SAMD3: variants seen among roughly 807,000 people sequenced by gnomAD.
SAMD3 encodes sterile alpha motif domain-containing protein 3.
SAMD3 carries 63 observed loss-of-function variants against 58.5 expected under a neutral mutation model. The ratio of observed to expected loss-of-function variants is 1.08; its 90% confidence interval spans 0.88 to 1.33. The LOEUF is 1.33. Among genes scored for constraint, SAMD3 ranks in the 40% most tolerant of loss-of-function variants. The pLI is 0.00. For synonymous variants in SAMD3, 220 were observed against 210.3 expected (o/e 1.05, Z -0.40); for missense variants, 604 against 608.4 (o/e 0.99, Z 0.08).
chr6:130,300,115 CAGTATCATCCTGAT>C (rs1554272625), intron 2 of SAMD3, among the ~76,000 whole-genome samples: 1 of 152,092 alleles, frequency 6.6e-6, no homozygotes, highest in Non-Finnish European at 1.5e-5. Context: ...TCTGTAAAGC[CAGTATCATCCTGAT>C]ACCAAAATCT....
At chr6:130,324,406 A>G (rs1024277389) in intron 1 of SAMD3, among the ~76,000 whole-genome samples, 1 of 152,234 alleles carries the variant, frequency 6.6e-6, no homozygotes, top group Non-Finnish European at 1.5e-5. Flanking sequence ...AATGTTTGTG[A>G]AGAATATTCT....
rs141569183 is a variant in SAMD3 at position 130,322,402 on chromosome 6, A to G, written c.-303-9309T>C. 3.1e-3 allele frequency among the ~76,000 whole-genome samples: 469 copies of G among 152,330 alleles called. 2 individuals are homozygous for G. The highest frequency in any genetic ancestry group is 4.1e-3 in the Non-Finnish European group (280 of 68,040). ...AGGACGAGTAAGAGCAGAAGGTACAAGTGAGATGACACGAGACATCTCCAC... is the reference window on the plus strand; with the variant it reads ...AGGACGAGTAAGAGCAGAAGGTACAGGTGAGATGACACGAGACATCTCCAC... On this transcript the variant is annotated intron_variant, in intron 1 of 13. Coordinates refer to the SAMD3 transcript ENST00000368134.
chr6:130,191,714 C>T (rs1257168802), intron 5 of SAMD3, among the ~76,000 whole-genome samples: 6 of 150,406 alleles, frequency 4.0e-5, no homozygotes, highest in African/African-American at 1.5e-4. Context: ...GGAATTTTTT[C>T]ATTCTCTTTT....
At chr6:130,173,252 G>A (rs570321061) in intron 8 of SAMD3, among the ~76,000 whole-genome samples, 83 of 152,088 alleles carry the variant, frequency 5.5e-4, no homozygotes, top group Non-Finnish European at 1.1e-3. Flanking sequence ...CTGTCATTTG[G>A]AGGAGAAGAG....
chr6:130,265,659 G>A (rs765726526), intron 2 of SAMD3, among the ~76,000 whole-genome samples: 2 of 152,078 alleles, frequency 1.3e-5, no homozygotes, highest in East Asian at 3.9e-4. Context: ...CCAACCTAAT[G>A]TGTGTTATGA....
At chr6:130,265,431 G>A (rs1051869845) in intron 2 of SAMD3, among the ~76,000 whole-genome samples, 3 of 152,018 alleles carry the variant, frequency 2.0e-5, no homozygotes, top group Non-Finnish European at 2.9e-5. Context: ...ACTCATCACG[G>A]GACTCATTTT....
chr6:130,344,085 CT>C (rs1777366567), intron 1 of SAMD3, among the ~76,000 whole-genome samples: 1 of 152,114 alleles, frequency 6.6e-6, no homozygotes, highest in South Asian at 2.1e-4. Flanking sequence ...GCTTTTCTGG[CT>C]TTTGTTTTCC....
chr6:130,205,763 T>C (rs189511216), intron 5 of SAMD3, among the ~76,000 whole-genome samples: 6 of 152,304 alleles, frequency 3.9e-5, no homozygotes, highest in Admixed American at 2.6e-4. Flanking sequence ...TATTAGCTAG[T>C]TTACAGTCAA....
chr6:130,228,155 C>A (rs1796436449), intron 2 of SAMD3, among the ~76,000 whole-genome samples: 1 of 152,134 alleles, frequency 6.6e-6, no homozygotes, highest in African/African-American at 2.4e-5. Flanking sequence ...ATATGATATA[C>A]ATGTTGTATA....
intron 2 of SAMD3, among the ~76,000 whole-genome samples, chr6:130,277,897 T>C (rs751549879): frequency 4.6e-5 from 7 of 152,148 alleles, no homozygotes; most frequent in African/African-American, 7.2e-5. Context: ...GTTTATAGTT[T>C]GAAACAAAGA....
chr6:130,253,408 G>A (rs993095304), intron 2 of SAMD3, among the ~76,000 whole-genome samples: 3 of 152,018 alleles, frequency 2.0e-5, no homozygotes, highest in Non-Finnish European at 4.4e-5. Context: ...TTCAATAGAT[G>A]AGCTTACATT....
intron 5 of SAMD3, among the ~76,000 whole-genome samples, chr6:130,197,425 A>C (rs1794235851): frequency 6.6e-6 from 1 of 152,214 alleles, no homozygotes; most frequent in African/African-American, 2.4e-5. Context: ...TGAAGTAAAT[A>C]ATCTTTGCTG....
downstream of SAMD3, chr6:130,143,620 T>C (rs1788383510): frequency 1.3e-5 from 2 of 152,332 alleles, no homozygotes; most frequent in East Asian, 3.9e-4. Context: ...CACCATGCTG[T>C]GTAGGTATTT....
At chr6:130,353,139 A>G (rs1777730631) in intron 1 of SAMD3, among the ~76,000 whole-genome samples, 1 of 152,208 alleles carries the variant, frequency 6.6e-6, no homozygotes, top group Non-Finnish European at 1.5e-5. Context: ...TTTCTGTTCC[A>G]GCTTAACTGT....
intron 2 of SAMD3, among the ~76,000 whole-genome samples, chr6:130,294,852 C>A (rs1443463272): frequency 2.4e-5 from 3 of 126,798 alleles, no homozygotes; most frequent in Non-Finnish European, 3.5e-5. Context: ...TATTGTATTT[C>A]TTTCCTATAA....
Position 130,317,201 on chromosome 6 carries a change from A to G in SAMD3, c.-303-4108T>C, listed in dbSNP as rs565160532. ...ACTAGGTGATAAGGGAGTGGGAGAA[A>G]GAAGGCAGTGATGGAGCCCAACGCT... On this transcript the variant is annotated intron_variant, in intron 1 of 13. Transcript: ENST00000368134. Among the ~76,000 whole-genome samples, 3 of 152,336 alleles carry G rather than the reference A, an allele frequency of 2.0e-5. No individual in the cohort carries two copies. In the East Asian group the frequency reaches 5.8e-4, roughly 29 times the overall value.
chr6:130,299,798 A>C (rs1489618669), intron 2 of SAMD3, among the ~76,000 whole-genome samples: 1 of 152,188 alleles, frequency 6.6e-6, no homozygotes, highest in African/African-American at 2.4e-5. Flanking sequence ...GATACCACAA[A>C]AATACAAAAG....
intron 2 of SAMD3, among the ~76,000 whole-genome samples, chr6:130,233,399 T>A (rs1009290165): frequency 6.6e-6 from 1 of 152,210 alleles, no homozygotes; most frequent in Admixed American, 6.5e-5. Context: ...TTGGTAGTGA[T>A]CATTGATGCT....
intron 2 of SAMD3, among the ~76,000 whole-genome samples, chr6:130,274,040 A>G (rs895753881): frequency 6.6e-6 from 1 of 152,188 alleles, no homozygotes; most frequent in Non-Finnish European, 1.5e-5. Context: ...TTCAAGTTGA[A>G]TAATTACCTT....
Sources: allele counts gnomAD v4.1 joint callset (sites outside exome capture counted in the v4.1 genomes callset), GRCh38; gene constraint gnomAD v4.1.1; transcripts MANE v1.5; gene names NCBI Gene and HGNC (gene_info 2026-07-23, HGNC 2026-07-21).